The following BGLAP variants were observed in gnomAD, a reference collection of about 807,000 sequenced individuals.
BGLAP encodes the protein osteocalcin.
In BGLAP, 15 loss-of-function variants were observed where a neutral mutation model predicts 13.7. That is an observed-to-expected ratio of 1.09 (90% CI 0.73 to 1.68). The LOEUF is 1.68. BGLAP is among the 40% of genes most tolerant of loss of function. The pLI, the probability that BGLAP is intolerant of heterozygous loss-of-function variation, is 0.00. For synonymous variants in BGLAP, 67 were observed against 56.2 expected (o/e 1.19, Z -0.86); for missense variants, 120 against 134.3 (o/e 0.89, Z 0.53).
intron 3 of BGLAP, 70 bp downstream of exon 3, chr1:156,242,901 G>T: frequency 6.4e-7 from 1 of 1,573,094 alleles, no homozygotes; most frequent in Non-Finnish European, 8.6e-7. Context: ...GCTGCAGCAG[G>T]GAGTGGCCTC....
rs747595717 is a variant in BGLAP at position 156,243,004 on chromosome 1, G to A, written c.174-29G>A. The A allele has an allele frequency of 2.5e-6, 4 of 1,613,652 alleles. No individual in the cohort carries two copies. The Admixed American group carries it at 6.7e-5, about 27-fold the overall frequency. ...AGGAGGGATGGGCATTTTGCACGGG[G>A]GCTGATGCCACCACGTCGGGTGTCT... On this transcript the variant is annotated intron_variant, in intron 3 of 3. Coordinates refer to ENST00000368272, the MANE Select transcript of BGLAP (RefSeq NM_199173.6).
In BGLAP at chr1:156,243,217, C is replaced by G. The variant is rs556283488; in HGVS notation, c.*55C>G. 1.9e-4 allele frequency: 309 copies of G among 1,604,744 alleles called. 7 individuals carry two copies. In the South Asian group the frequency reaches 3.3e-3, roughly 17 times the overall value. ...CCCAGTTCTGCTCCTCTCCAGGCACCCTTCTTTCCTCTTCCCCTTGCCCTT... is the reference window on the plus strand; with the variant it reads ...CCCAGTTCTGCTCCTCTCCAGGCACGCTTCTTTCCTCTTCCCCTTGCCCTT... On this transcript the variant is annotated 3_prime_UTR_variant, in exon 4 of 4. Coordinates refer to ENST00000368272, the MANE Select transcript of BGLAP (RefSeq NM_199173.6).
Position 156,243,300 on chromosome 1 carries a change from TA to T in BGLAP, c.*141del. 1.4e-6 allele frequency: 2 copies of T among 1,410,812 alleles called. No individual in the cohort carries two copies. The highest frequency in any genetic ancestry group is 1.9e-6 in the Non-Finnish European group (2 of 1,045,446). 87.4% of individuals were successfully genotyped at this position (1,410,812 alleles called of 1,614,324 possible). On this transcript the variant is annotated 3_prime_UTR_variant, in exon 4 of 4. Transcript: ENST00000368272. ...CCCCATCATCCCAGCTGCTCCCAAATAAACTCCAGAAGAGGAATCTGTGGGC... is the reference window on the plus strand; with the variant it reads ...CCCCATCATCCCAGCTGCTCCCAAATAACTCCAGAAGAGGAATCTGTGGGC...
At chr1:156,242,980 G>A (rs1383747634) in intron 3 of BGLAP, 53 bp from the exon 4 acceptor site, 4 of 1,611,692 alleles carry the variant, frequency 2.5e-6, no homozygotes, top group Admixed American at 1.7e-5. Flanking sequence ...TGTAGGGAGA[G>A]GAGGGATGGG....
In BGLAP at chr1:156,243,147, C is replaced by T. The variant is rs1659586284; in HGVS notation, c.288C>T (p.Phe96=). Residue 96 remains phenylalanine (F), a synonymous_variant, in exon 4 of 4, where the codon TTC becomes TTT. Transcript: ENST00000368272. ...HIGFQEAYRR[F]YGPV The stretch of plus-strand genomic sequence containing the variant: ...GCTTTCAGGAGGCCTATCGGCGCTT[C>T]TACGGCCCGGTCTAGGGTGTCGCTC... 1 of 1,613,960 alleles carries T rather than the reference C, an allele frequency of 6.2e-7. No individual in the cohort carries two copies.
intron 3 of BGLAP, 56 bp from the exon 4 acceptor site, chr1:156,242,975 GGA>G (rs1572518883): frequency 1.9e-6 from 3 of 1,610,924 alleles, no homozygotes; most frequent in East Asian, 4.5e-5. Context: ...CCATGTGTAG[GGA>G]GAGGAGGGAT....
At position 156,243,159 on chromosome 1, in the gene BGLAP, C is replaced by A. The variant is rs149938199; in HGVS notation, c.300C>A (p.Val100=). The A allele has an allele frequency of 5.8e-5, 93 of 1,613,620 alleles. No homozygotes were observed. Among genetic ancestry groups the A allele is most frequent in the Non-Finnish European group, 7.4e-5 (87 of 1,179,956 alleles). ...QEAYRRFYGP[V] is the part of the protein sequence containing the mutation. The stretch of plus-strand genomic sequence containing the variant: ...CCTATCGGCGCTTCTACGGCCCGGT[C>A]TAGGGTGTCGCTCTGCTGGCCTGGC... Residue 100 remains valine (V), a synonymous_variant, in exon 4 of 4, where the codon GTC becomes GTA. Coordinates refer to ENST00000368272, the MANE Select transcript of BGLAP (RefSeq NM_199173.6).
In BGLAP at chr1:156,243,283, T is replaced by A; in HGVS notation, c.*121T>A. The A allele has an allele frequency of 6.8e-7, 1 of 1,468,038 alleles. No homozygotes were observed. Among genetic ancestry groups the A allele is most frequent in the South Asian group, 1.3e-5 (1 of 78,672 alleles). The allele number at this position is 1,468,038 out of a possible 1,614,324, so 90.9% of individuals were successfully genotyped here. On this transcript the variant is annotated 3_prime_UTR_variant, in exon 4 of 4. Coordinates refer to ENST00000368272, the MANE Select transcript of BGLAP (RefSeq NM_199173.6). ...CCCTATGGATGTGGGGTCCCCATCA[T>A]CCCAGCTGCTCCCAAATAAACTCCA...
Position 156,242,815 on chromosome 1 carries a change from CTG to C in BGLAP, c.159_160del (p.Tyr54SerfsTer21). On this transcript the variant is annotated frameshift_variant, in exon 3 of 4. Coordinates refer to ENST00000368272, the MANE Select transcript of BGLAP (RefSeq NM_199173.6). LOFTEE classifies it high-confidence loss of function. ...GGTAGTGAAGAGACCCAGGCGCTAC[CTG>C]TATCAATGGCTGGGGTGAGAGAAAA... The part of the protein sequence containing the change: ...SEVVKRPRRY[L>X]YQWLGAPVPY... The C allele has an allele frequency of 6.3e-7, 1 of 1,599,754 alleles. No homozygotes were observed. Among genetic ancestry groups the C allele is most frequent in the East Asian group, 2.2e-5 (1 of 44,688 alleles).
In BGLAP at chr1:156,243,265, G is replaced by C; in HGVS notation, c.*103G>C. ...CTTGCCCTGACCTCCCAGCCCTATG[G>C]ATGTGGGGTCCCCATCATCCCAGCT... On this transcript the variant is annotated 3_prime_UTR_variant, in exon 4 of 4. Transcript: ENST00000368272. 1 of 1,553,924 alleles carries C rather than the reference G, an allele frequency of 6.4e-7. No individual in the cohort carries two copies. Among genetic ancestry groups the C allele is most frequent in the East Asian group, 2.3e-5 (1 of 44,154 alleles).
At chr1:156,242,967 A>C (rs1319658005) in intron 3 of BGLAP, 66 bp from the exon 4 acceptor site, 1 of 1,606,894 alleles carries the variant, frequency 6.2e-7, no homozygotes, top group Non-Finnish European at 8.5e-7. Flanking sequence ...CTGGAGCCCC[A>C]TGTGTAGGGA....
Position 156,242,240 on chromosome 1 carries a change from C to T in BGLAP, c.9C>T (p.Ala3=). The T allele has an allele frequency of 6.2e-7, 1 of 1,613,476 alleles. No individual in the cohort carries two copies. The highest frequency in any genetic ancestry group is 1.1e-5 in the South Asian group (1 of 91,034). ...GCAGCCACCGAGACACCATGAGAGCCCTCACACTCCTCGCCCTATTGGCCC... is the reference window on the plus strand; with the variant it reads ...GCAGCCACCGAGACACCATGAGAGCTCTCACACTCCTCGCCCTATTGGCCC... MR[A]LTLLALLALA... Residue 3 remains alanine, a synonymous_variant, in exon 1 of 4, where the codon GCC becomes GCT. Coordinates refer to ENST00000368272, the MANE Select transcript of BGLAP (RefSeq NM_199173.6).
At chr1:156,242,920 G>T (rs1659543327) in intron 3 of BGLAP, 89 bp downstream of exon 3, 2 of 1,577,040 alleles carry the variant, frequency 1.3e-6, no homozygotes, top group Non-Finnish European at 1.7e-6. Context: ...TCTCTGGGTT[G>T]TGGTGGGGGT....
At position 156,243,302 on chromosome 1, in the gene BGLAP, A is replaced by C; in HGVS notation, c.*140A>C. ...CCATCATCCCAGCTGCTCCCAAATA[A>C]ACTCCAGAAGAGGAATCTGTGGGCC... is the stretch of plus-strand genomic sequence containing the variant. On this transcript the variant is annotated 3_prime_UTR_variant, in exon 4 of 4. Coordinates refer to ENST00000368272, the MANE Select transcript of BGLAP (RefSeq NM_199173.6). 15 of 1,384,658 alleles carry C rather than the reference A, an allele frequency of 1.1e-5. No individual in the cohort carries two copies. Among genetic ancestry groups the C allele is most frequent in the East Asian group, 2.4e-5 (1 of 41,850 alleles). 85.8% of individuals were successfully genotyped at this position (1,384,658 alleles called of 1,614,324 possible).
chr1:156,242,471 G>T, intron 1 of BGLAP, 82 bp from the exon 2 acceptor site: 1 of 1,550,360 alleles, frequency 6.5e-7, no homozygotes, highest in Non-Finnish European at 8.7e-7. Flanking sequence ...GGAGGGAAGA[G>T]CAAGCTGCCC....
At chr1:156,242,974 G>C (rs1400791300) in intron 3 of BGLAP, 59 bp from the exon 4 acceptor site, 3 of 1,609,880 alleles carry the variant, frequency 1.9e-6, no homozygotes, top group Non-Finnish European at 2.5e-6. Flanking sequence ...CCCATGTGTA[G>C]GGAGAGGAGG....
Position 156,242,202 on chromosome 1 carries a change from G to C in BGLAP, c.-30G>C. On this transcript the variant is annotated 5_prime_UTR_variant, in exon 1 of 4. Transcript: ENST00000368272. ...GCGGGGCAGGCCAGCTGAGTCCTGA[G>C]CAGCAGCCCAGCGCAGCCACCGAGA... 6.2e-7 allele frequency: 1 copy of C among 1,606,528 alleles called. No individual in the cohort carries two copies. The highest frequency in any genetic ancestry group is 1.7e-5 in the Admixed American group (1 of 59,648).
At position 156,243,000 on chromosome 1, in the gene BGLAP, C is replaced by T. The variant is rs377532146; in HGVS notation, c.174-33C>T. 109 of 1,613,258 alleles carry T rather than the reference C, an allele frequency of 6.8e-5. 1 individual carries two copies. The highest frequency in any genetic ancestry group is 5.0e-4 in the Admixed American group (30 of 59,974). On this transcript the variant is annotated intron_variant, in intron 3 of 3. Transcript: ENST00000368272. ...GGAGAGGAGGGATGGGCATTTTGCA[C>T]GGGGGCTGATGCCACCACGTCGGGT...
In BGLAP at chr1:156,243,102, C is replaced by G; in HGVS notation, c.243C>G (p.Asp81Glu). 1.2e-6 allele frequency: 2 copies of G among 1,614,148 alleles called. No individual in the cohort carries two copies. Among genetic ancestry groups the G allele is most frequent in the South Asian group, 1.1e-5 (1 of 91,086 alleles). Residue 81 changes from aspartate to glutamate, a missense_variant, in exon 4 of 4, where the codon GAC becomes GAG. Coordinates refer to ENST00000368272, the MANE Select transcript of BGLAP (RefSeq NM_199173.6). Reference sequence around the variant, plus strand: ...TGTGTGAGCTCAATCCGGACTGTGACGAGTTGGCTGACCACATCGGCTTTC... The same window carrying G: ...TGTGTGAGCTCAATCCGGACTGTGAGGAGTTGGCTGACCACATCGGCTTTC... ...REVCELNPDCDELADHIGFQE... is the reference protein window; with the variant it reads ...REVCELNPDCEELADHIGFQE...
Sources: gnomAD v4.1 joint callset for allele counts on GRCh38, gnomAD v4.1.1 for gene constraint, MANE v1.5 for transcripts, NCBI Gene and HGNC (gene_info 2026-07-23, HGNC 2026-07-21) for gene names.